The following NCKAP1 variants were observed in gnomAD, a reference collection of about 807,000 sequenced individuals.
NCKAP1 encodes NCK associated protein 1, also known as nck-associated protein 1.
Under a neutral mutation model 151.2 loss-of-function variants are expected in NCKAP1, and 21 were observed. The observed-to-expected ratio is 0.14, with a 90% confidence interval of 0.10 to 0.20. The LOEUF is 0.20. Among genes scored for constraint, NCKAP1 ranks in the 10% least tolerant of loss-of-function variants. The pLI, the probability that NCKAP1 is intolerant of heterozygous loss-of-function variation, is 1.00. For missense variants in NCKAP1, 933 were observed against 1,352.1 expected (o/e 0.69, Z 4.86); for synonymous variants, 484 against 451.8 (o/e 1.07, Z -0.90).
At chr2:182,931,471 C>G (rs1419100661) in intron 26 of NCKAP1, among the ~76,000 whole-genome samples, 1 of 152,006 alleles carries the variant, frequency 6.6e-6, no homozygotes, top group Non-Finnish European at 1.5e-5. Context: ...GGATTAAGTT[C>G]TAGATTAAAA....
At chr2:182,987,763 T>A (rs1482188089) in intron 9 of NCKAP1, among the ~76,000 whole-genome samples, 1 of 152,138 alleles carries the variant, frequency 6.6e-6, no homozygotes, top group Non-Finnish European at 1.5e-5. Flanking sequence ...TATTCCACCA[T>A]CTAAAATAAG....
At position 182,912,596 on chromosome 2, in the gene NCKAP1, T is replaced by C. The variant is rs932925767; in HGVS notation, c.*13106A>G. 6.6e-6 allele frequency: 1 copy of C among 152,224 alleles called. No homozygotes were observed. Among genetic ancestry groups the C allele is most frequent in the African/African-American group, 2.4e-5 (1 of 41,468 alleles). The allele number at this position is 152,224 out of a possible 1,614,324, so 9.4% of individuals were successfully genotyped here. A position where few individuals can be genotyped will look rare whatever the true frequency, so the allele number is the denominator to read the frequency against. The stretch of plus-strand genomic sequence containing the variant: ...AGCTCAATGATCTATTATAAGTTAA[T>C]ACACTTTTTCCCCATTCTGTGGAGT... On this transcript the variant is annotated 3_prime_UTR_variant, in exon 31 of 31. Coordinates refer to ENST00000361354, the MANE Select transcript of NCKAP1 (RefSeq NM_013436.5).
intron 12 of NCKAP1, among the ~76,000 whole-genome samples, chr2:182,982,025 GCT>G (rs1317371413): frequency 6.6e-6 from 1 of 150,836 alleles, no homozygotes; most frequent in Non-Finnish European, 1.5e-5. Context: ...TTTTCTGTAT[GCT>G]CTTATTTCTC....
At chr2:182,927,116 G>T in intron 29 of NCKAP1, 1 of 423,406 alleles carries the variant, frequency 2.4e-6, no homozygotes, top group Non-Finnish European at 4.1e-6. Context: ...CATAATAAAT[G>T]TAATCAAATA....
At chr2:183,008,465 C>T (rs1396307525) in intron 2 of NCKAP1, among the ~76,000 whole-genome samples, 2 of 152,082 alleles carry the variant, frequency 1.3e-5, no homozygotes, top group Non-Finnish European at 2.9e-5. Context: ...AAATCAAAGC[C>T]CTTGTCTATC....
intron 21 of NCKAP1, 76 bp from the exon 22 acceptor site, chr2:182,952,999 T>G: frequency 6.7e-7 from 1 of 1,499,560 alleles, no homozygotes. Context: ...TTCCTGCATA[T>G]AATTTTAAGT....
chr2:182,990,766 A>C (rs1698151080), intron 8 of NCKAP1, among the ~76,000 whole-genome samples: 1 of 152,216 alleles, frequency 6.6e-6, no homozygotes, highest in African/African-American at 2.4e-5. Context: ...ACACTTTAAC[A>C]TAAAACTTGC....
chr2:183,009,902 C>T (rs754142014), intron 2 of NCKAP1, among the ~76,000 whole-genome samples: 2 of 152,040 alleles, frequency 1.3e-5, no homozygotes, highest in Non-Finnish European at 2.9e-5. Flanking sequence ...ATAAAAGTAG[C>T]GTAGGGACAA....
intron 18 of NCKAP1, 90 bp from the exon 19 acceptor site, chr2:182,957,686 T>G (rs1227169529): frequency 4.5e-6 from 6 of 1,346,444 alleles, no homozygotes; most frequent in Non-Finnish European, 6.1e-6. Flanking sequence ...GAATCCAGGC[T>G]GTGTTGCAAA....
In NCKAP1 at chr2:182,950,628, C is replaced by T. The variant is rs140109620; in HGVS notation, c.2601+1777G>A. 6.8e-3 allele frequency among the ~76,000 whole-genome samples: 1,031 copies of T among 152,052 alleles called. 13 individuals are homozygous for T. Among genetic ancestry groups the T allele is most frequent in the African/African-American group, 0.024 (986 of 41,474 alleles). On this transcript the variant is annotated intron_variant, in intron 23 of 30. Transcript: ENST00000361354. Reference sequence around the variant, plus strand: ...AGCCATCTAAAAGTTGACTTTTATACAATAATTGCAGAAAACTTTAAAAAT... The same window carrying T: ...AGCCATCTAAAAGTTGACTTTTATATAATAATTGCAGAAAACTTTAAAAAT...
At chr2:183,004,304 G>A (rs1342555684) in intron 2 of NCKAP1, among the ~76,000 whole-genome samples, 1 of 152,002 alleles carries the variant, frequency 6.6e-6, no homozygotes. Context: ...TGCTATCAAA[G>A]CCCATACAAT....
chr2:183,027,669 A>T (rs895654549), intron 1 of NCKAP1, among the ~76,000 whole-genome samples: 1 of 152,152 alleles, frequency 6.6e-6, no homozygotes. Context: ...GGCCTGGGCA[A>T]CATAGCAAGA....
intron 2 of NCKAP1, among the ~76,000 whole-genome samples, chr2:183,019,144 A>G (rs1015005099): frequency 2.0e-5 from 3 of 152,174 alleles, no homozygotes; most frequent in Admixed American, 1.3e-4. Flanking sequence ...CAATGTCCCT[A>G]TTCTTAAAGA....
chr2:183,033,613 TA>T (rs1343697426), intron 1 of NCKAP1, among the ~76,000 whole-genome samples: 1 of 152,132 alleles, frequency 6.6e-6, no homozygotes, highest in Non-Finnish European at 1.5e-5. Flanking sequence ...ATGAATAAAT[TA>T]AAAGGGAAAA....
At chr2:183,022,909 G>T (rs1324498188) in intron 2 of NCKAP1, 1 of 152,138 alleles carries the variant, frequency 6.6e-6, no homozygotes, top group African/African-American at 2.4e-5. Context: ...GTAGAACAAG[G>T]AGCTGGATCT....
chr2:183,013,267 A>T (rs1039406655), intron 2 of NCKAP1, among the ~76,000 whole-genome samples: 1 of 152,132 alleles, frequency 6.6e-6, no homozygotes, highest in Non-Finnish European at 1.5e-5. Flanking sequence ...ATCTCCACTC[A>T]GATTTCCAGT....
At chr2:183,037,560 A>T (rs1244213919) in intron 1 of NCKAP1, among the ~76,000 whole-genome samples, 1 of 152,164 alleles carries the variant, frequency 6.6e-6, no homozygotes, top group East Asian at 1.9e-4. Flanking sequence ...TGTGGGGTGT[A>T]ATCCCTGTTC....
intron 7 of NCKAP1, 45 bp downstream of exon 7, chr2:182,995,656 A>T (rs1267725889): frequency 5.7e-6 from 9 of 1,566,268 alleles, no homozygotes; most frequent in Admixed American, 5.4e-5. Flanking sequence ...TTATTTTTTT[A>T]AAAGTCACTT....
intron 1 of NCKAP1, among the ~76,000 whole-genome samples, chr2:183,037,691 G>A (rs1022242883): frequency 2.0e-5 from 3 of 152,268 alleles, no homozygotes; most frequent in Non-Finnish European, 4.4e-5. Context: ...CGCCGAGGAG[G>A]GGACAGCTCC....
Sources: gnomAD v4.1 joint callset for allele counts (sites outside exome capture counted in the v4.1 genomes callset) on GRCh38, gnomAD v4.1.1 for gene constraint, MANE v1.5 for transcripts, NCBI Gene and HGNC (gene_info 2026-07-23, HGNC 2026-07-21) for gene names.